The following PTPRD variants were observed in gnomAD, a reference collection of about 807,000 sequenced individuals.
The protein encoded by PTPRD is receptor-type tyrosine-protein phosphatase delta.
Under a neutral mutation model 214.5 loss-of-function variants are expected in PTPRD, and 34 were observed. The observed-to-expected ratio is 0.16, with a 90% CI of 0.12 to 0.21. PTPRD has a LOEUF of 0.21. PTPRD is among the 10% of genes least tolerant of loss of function. PTPRD has a pLI of 1.00. For synonymous variants in PTPRD, 1,128 were observed against 845.7 expected, an observed-to-expected ratio of 1.33 and a Z score of -5.79; for missense variants, 2,545 against 2,398.7, an observed-to-expected ratio of 1.06 and a Z score of -1.27.
At chr9:8,490,536 G>A (rs1018133872) in intron 27 of PTPRD, among the ~76,000 whole-genome samples, 31 of 152,092 alleles carry the variant, frequency 2.0e-4, no homozygotes, top group African/African-American at 7.2e-4. Context: ...GTTCAATATA[G>A]TACTGAAATT....
At chr9:9,056,582 T>C (rs2099696657) in intron 10 of PTPRD, among the ~76,000 whole-genome samples, 1 of 152,216 alleles carries the variant, frequency 6.6e-6, no homozygotes, top group Admixed American at 6.5e-5. Context: ...CCAATGAGCA[T>C]TTTAATCTCA....
At chr9:10,326,804 G>GT (rs1236744314) in intron 3 of PTPRD, among the ~76,000 whole-genome samples, 1 of 151,148 alleles carries the variant, frequency 6.6e-6, no homozygotes, top group Non-Finnish European at 1.5e-5. Context: ...CGGTTTGTTT[G>GT]TTTTTTTACC....
chr9:10,273,591 A>AT (rs1292642754), intron 3 of PTPRD, among the ~76,000 whole-genome samples: 1 of 152,168 alleles, frequency 6.6e-6, no homozygotes, highest in Non-Finnish European at 1.5e-5. Flanking sequence ...TCCTAAGTGT[A>AT]TATCAGAATT....
intron 11 of PTPRD, among the ~76,000 whole-genome samples, chr9:8,869,204 A>G (rs1489130173): frequency 6.6e-6 from 1 of 152,206 alleles, no homozygotes; most frequent in Non-Finnish European, 1.5e-5. Flanking sequence ...TACTTCTGAG[A>G]GAGAAAGATA....
intron 2 of PTPRD, among the ~76,000 whole-genome samples, chr9:10,483,349 C>A (rs2099112645): frequency 6.6e-6 from 1 of 151,902 alleles, no homozygotes; most frequent in Admixed American, 6.6e-5. Context: ...ACCTAGGAAA[C>A]ACTATTCTGG....
chr9:9,995,193 A>C (rs562137144), intron 4 of PTPRD, among the ~76,000 whole-genome samples: 1 of 152,246 alleles, frequency 6.6e-6, no homozygotes, highest in South Asian at 2.1e-4. Flanking sequence ...CCTCCAGAAA[A>C]ATTTAAAGAC....
chr9:9,301,002 G>C (rs1955071877), intron 9 of PTPRD, among the ~76,000 whole-genome samples: 1 of 151,734 alleles, frequency 6.6e-6, no homozygotes, highest in Non-Finnish European at 1.5e-5. Flanking sequence ...CCAGCACTAT[G>C]TTAATATTGT....
At chr9:8,462,545 C>T (rs1026220260) in intron 32 of PTPRD, among the ~76,000 whole-genome samples, 13 of 151,936 alleles carry the variant, frequency 8.6e-5, no homozygotes, top group South Asian at 4.1e-4. Context: ...AACTTGCTTA[C>T]GACACACAAC....
intron 4 of PTPRD, among the ~76,000 whole-genome samples, chr9:9,998,123 A>ATATAT (rs1555449048): frequency 2.1e-4 from 10 of 47,750 alleles, no homozygotes; most frequent in Non-Finnish European, 3.5e-4. Context: ...AATAAAAAAA[A>ATATAT]AAAAAAATAT....
chr9:8,605,679 G>C (rs1330354822), intron 14 of PTPRD, among the ~76,000 whole-genome samples: 1 of 152,162 alleles, frequency 6.6e-6, no homozygotes, highest in African/African-American at 2.4e-5. Context: ...TAAATCACCT[G>C]GCAGAATGCT....
intron 11 of PTPRD, among the ~76,000 whole-genome samples, chr9:8,817,439 A>G (rs2096943061): frequency 6.6e-6 from 1 of 152,194 alleles, no homozygotes; most frequent in African/African-American, 2.4e-5. Context: ...ACATAGTGAC[A>G]CCCTGTCATT....
chr9:10,556,654 G>C (rs1195016930), intron 2 of PTPRD, among the ~76,000 whole-genome samples: 1 of 151,966 alleles, frequency 6.6e-6, no homozygotes, highest in Non-Finnish European at 1.5e-5. Flanking sequence ...TAAGTATTTT[G>C]TTGACAATTA....
At chr9:10,434,432 GAAT>G (rs1190582689) in intron 2 of PTPRD, among the ~76,000 whole-genome samples, 4 of 151,920 alleles carry the variant, frequency 2.6e-5, no homozygotes, top group Middle Eastern at 3.4e-3. Context: ...CTAAATTAGA[GAAT>G]AATTATCATT....
At chr9:10,387,159 T>C (rs765184512) in intron 2 of PTPRD, among the ~76,000 whole-genome samples, 4 of 151,804 alleles carry the variant, frequency 2.6e-5, no homozygotes, top group Non-Finnish European at 4.4e-5. Flanking sequence ...ATTGCTGAGC[T>C]CACCAAATGT....
chr9:9,797,863 T>G (rs908469228), intron 5 of PTPRD, among the ~76,000 whole-genome samples: 1 of 151,490 alleles, frequency 6.6e-6, no homozygotes, highest in Non-Finnish European at 1.5e-5. Context: ...AAATAAAAAA[T>G]AAAAAAAATC....
chr9:8,743,558 G>C (rs1411854303), intron 11 of PTPRD, among the ~76,000 whole-genome samples: 4 of 152,102 alleles, frequency 2.6e-5, no homozygotes, highest in Non-Finnish European at 5.9e-5. Context: ...TGGAATTAAA[G>C]AATATTCTCT....
At chr9:9,945,328 A>T (rs773332219) in intron 4 of PTPRD, among the ~76,000 whole-genome samples, 1 of 152,188 alleles carries the variant, frequency 6.6e-6, no homozygotes, top group Non-Finnish European at 1.5e-5. Context: ...TATTATAAAC[A>T]TAGAGATCAC....
intron 9 of PTPRD, among the ~76,000 whole-genome samples, chr9:9,227,747 G>C (rs141878195): frequency 2.6e-5 from 4 of 152,230 alleles, no homozygotes; most frequent in African/African-American, 9.6e-5. Flanking sequence ...CCCACAGGCA[G>C]TGAAGAACGG....
chr9:10,551,112 T>C (rs2061261000), intron 2 of PTPRD, among the ~76,000 whole-genome samples: 1 of 152,080 alleles, frequency 6.6e-6, no homozygotes, highest in Non-Finnish European at 1.5e-5. Flanking sequence ...AGTGGGAGCA[T>C]CACTTGAGGC....
Sources: gnomAD v4.1 joint callset for allele counts (sites outside exome capture counted in the v4.1 genomes callset) on GRCh38, gnomAD v4.1.1 for gene constraint, MANE v1.5 for transcripts, NCBI Gene and HGNC (gene_info 2026-07-23, HGNC 2026-07-21) for gene names.